Variants in FHOD3 observed in about 807,000 individuals in gnomAD.
FHOD3 encodes the protein formin homology 2 domain containing 3.
Under a neutral mutation model 173.0 loss-of-function variants are expected in FHOD3, and 90 were observed. That is an observed-to-expected ratio of 0.52 (90% CI 0.44 to 0.62). The LOEUF (loss-of-function observed/expected upper bound fraction) is 0.62, where lower values mean the gene tolerates loss of function less well. FHOD3 is among the 20% of genes least tolerant of loss of function. The pLI, the probability that FHOD3 is intolerant of heterozygous loss-of-function variation, is 0.00. For synonymous variants in FHOD3, 828 were observed against 823.0 expected, an observed-to-expected ratio of 1.01 and a Z score of -0.10; for missense variants, 1,945 against 2,034.7, an observed-to-expected ratio of 0.96 and a Z score of 0.85.
chr18:36,371,602 A>G (rs1440702614), intron 2 of FHOD3, among the ~76,000 whole-genome samples: 3 of 152,254 alleles, frequency 2.0e-5, no homozygotes, highest in Non-Finnish European at 4.4e-5. Flanking sequence ...ATCAGAATCA[A>G]CAAACCATTG....
In FHOD3 at chr18:36,693,310, C is replaced by T. The variant is rs748150318; in HGVS notation, c.2123C>T (p.Ser708Leu). ...GRADLSLDLT[S>L]PAAPACLAPL... ...GCCGACCTCTCCTTGGACCTGACCTCGCCAGCAGCCCCAGCCTGCCTGGCT... is the reference window on the plus strand; with the variant it reads ...GCCGACCTCTCCTTGGACCTGACCTTGCCAGCAGCCCCAGCCTGCCTGGCT... Residue 708 changes from serine to leucine, a missense_variant, in exon 17 of 29, where the codon TCG (serine) becomes TTG (leucine). Physicochemically the swap from Ser to Leu is moderately radical, Grantham distance 145. Around this residue, in one of 5 missense-constraint regions of FHOD3, gnomAD observed 1,099 missense variants for 1,051.2 expected, o/e 1.05. Coordinates refer to ENST00000590592, the MANE Select transcript of FHOD3 (RefSeq NM_001281740.3). 2.5e-5 allele frequency: 41 copies of T among 1,613,754 alleles called. No homozygotes were observed. Among genetic ancestry groups the T allele is most frequent in the Admixed American group, 5.0e-5 (3 of 59,994 alleles).
intron 28 of FHOD3, among the ~76,000 whole-genome samples, chr18:36,769,637 A>T (rs1346469472): frequency 6.6e-6 from 1 of 152,194 alleles, no homozygotes; most frequent in Non-Finnish European, 1.5e-5. Flanking sequence ...TGTTCAGTGT[A>T]TCTGCCATTG....
chr18:36,414,458 G>A (rs538209163), intron 3 of FHOD3, among the ~76,000 whole-genome samples: 4 of 152,264 alleles, frequency 2.6e-5, no homozygotes, highest in South Asian at 4.1e-4. Context: ...ACATTTAGCC[G>A]AGTGAGTTCC....
At chr18:36,417,164 C>T (rs1287684149) in intron 3 of FHOD3, among the ~76,000 whole-genome samples, 1 of 152,006 alleles carries the variant, frequency 6.6e-6, no homozygotes, top group African/African-American at 2.4e-5. Flanking sequence ...ATTTCATCAC[C>T]CAGGTATTAA....
intron 5 of FHOD3, among the ~76,000 whole-genome samples, chr18:36,565,766 G>C (rs569125354): frequency 4.6e-5 from 7 of 152,278 alleles, no homozygotes; most frequent in African/African-American, 1.2e-4. Context: ...AAAATGAAGT[G>C]AAGAGTGGGA....
chr18:36,614,349 A>G (rs567417226), intron 9 of FHOD3, among the ~76,000 whole-genome samples: 1 of 152,330 alleles, frequency 6.6e-6, no homozygotes, highest in Non-Finnish European at 1.5e-5. Flanking sequence ...AGTTGTGCTG[A>G]CAGTATTCTA....
chr18:36,510,105 A>G (rs1225194458), intron 4 of FHOD3, among the ~76,000 whole-genome samples: 1 of 152,210 alleles, frequency 6.6e-6, no homozygotes, highest in Non-Finnish European at 1.5e-5. Flanking sequence ...TTTCCAAACT[A>G]AATTGTAAGT....
At chr18:36,523,289 G>A (rs1351607711) in intron 5 of FHOD3, among the ~76,000 whole-genome samples, 1 of 152,234 alleles carries the variant, frequency 6.6e-6, no homozygotes, top group Admixed American at 6.5e-5. Flanking sequence ...TTTTAGAGGA[G>A]GGGCAAAATT....
intron 5 of FHOD3, among the ~76,000 whole-genome samples, chr18:36,524,648 C>T (rs1256850756): frequency 6.6e-6 from 1 of 152,196 alleles, no homozygotes; most frequent in Non-Finnish European, 1.5e-5. Context: ...CAGTTTCCAT[C>T]CATGTGTGCA....
intron 17 of FHOD3, among the ~76,000 whole-genome samples, chr18:36,697,302 T>C (rs988306475): frequency 3.3e-5 from 5 of 152,296 alleles, no homozygotes; most frequent in Admixed American, 2.0e-4. Flanking sequence ...TAGAACTATG[T>C]TCCCTCCTTG....
intron 18 of FHOD3, among the ~76,000 whole-genome samples, chr18:36,713,962 C>CA (rs2040311184): frequency 6.6e-6 from 1 of 151,866 alleles, no homozygotes; most frequent in African/African-American, 2.4e-5. Flanking sequence ...CAATTATATA[C>CA]CATATATAGA....
At chr18:36,645,962 C>T (rs530658925) in intron 10 of FHOD3, among the ~76,000 whole-genome samples, 1 of 151,818 alleles carries the variant, frequency 6.6e-6, no homozygotes, top group Non-Finnish European at 1.5e-5. Context: ...GGCTATCTAC[C>T]AAAAAAATCT....
chr18:36,317,673 G>T (rs572814949), intron 1 of FHOD3, among the ~76,000 whole-genome samples: 3 of 152,286 alleles, frequency 2.0e-5, no homozygotes, highest in South Asian at 4.1e-4. Context: ...CCATTCTGTA[G>T]GTTGCCTGTG....
intron 3 of FHOD3, among the ~76,000 whole-genome samples, chr18:36,452,272 C>G (rs555402568): frequency 2.6e-5 from 4 of 152,134 alleles, no homozygotes; most frequent in Admixed American, 2.0e-4. Flanking sequence ...AGTAGTTTTT[C>G]TTGGAGAATT....
chr18:36,513,739 A>G (rs1183076083), intron 5 of FHOD3, among the ~76,000 whole-genome samples: 6 of 151,930 alleles, frequency 3.9e-5, no homozygotes, highest in African/African-American at 1.2e-4. Flanking sequence ...AGCCACTGCA[A>G]TTAAAAGCAA....
chr18:36,621,259 T>G lies in FHOD3; in HGVS notation c.958-4252T>G, dbSNP rs117093483. On this transcript the variant is annotated intron_variant, in intron 9 of 28. Transcript: ENST00000590592. Reference sequence around the variant, plus strand: ...GTAGAGGATGAGAAATAACTATTACTGTTAAGAGTAATTAATAGGTCCAAT... The same window carrying G: ...GTAGAGGATGAGAAATAACTATTACGGTTAAGAGTAATTAATAGGTCCAAT... Among the ~76,000 whole-genome samples, 558 of 152,356 alleles carry G rather than the reference T, an allele frequency of 3.7e-3. 4 individuals carry two copies. The highest frequency in any genetic ancestry group is 6.8e-3 in the Middle Eastern group (2 of 294).
intron 1 of FHOD3, among the ~76,000 whole-genome samples, chr18:36,306,833 C>T (rs1598642015): frequency 6.6e-6 from 1 of 152,232 alleles, no homozygotes; most frequent in African/African-American, 2.4e-5. Context: ...GAATAGTCTG[C>T]TCATCCCAGC....
intron 1 of FHOD3, among the ~76,000 whole-genome samples, chr18:36,342,873 T>C (rs1324146755): frequency 1.3e-5 from 2 of 152,222 alleles, no homozygotes; most frequent in South Asian, 2.1e-4. Context: ...TTTTAATAGC[T>C]GTTTCTCCAG....
At chr18:36,437,371 T>C (rs539508056) in intron 3 of FHOD3, among the ~76,000 whole-genome samples, 1 of 152,330 alleles carries the variant, frequency 6.6e-6, no homozygotes, top group South Asian at 2.1e-4. Context: ...ATGAGAATAA[T>C]AGTGATCTTC....
Sources: gnomAD v4.1 joint callset for allele counts (sites outside exome capture counted in the v4.1 genomes callset) on GRCh38, gnomAD v4.1.1 for gene constraint, gnomAD v4.1.1 regional missense constraint, MANE v1.5 for transcripts, NCBI Gene and HGNC (gene_info 2026-07-23, HGNC 2026-07-21) for gene names.